Variants in RNGTT observed in about 807,000 individuals in gnomAD.
RNGTT encodes mRNA-capping enzyme.
In RNGTT, 33 loss-of-function variants were observed where a neutral mutation model predicts 79.3. The observed-to-expected ratio is 0.42, with a 90% CI of 0.32 to 0.56. The LOEUF is 0.56. Ranked by LOEUF, RNGTT falls within the 20% of genes least tolerant of loss-of-function variation. The pLI is 0.17. For missense variants in RNGTT, 497 were observed against 739.1 expected (o/e 0.67, Z 3.80); for synonymous variants, 222 against 235.9 (o/e 0.94, Z 0.54).
intron 4 of RNGTT, among the ~76,000 whole-genome samples, chr6:88,914,115 A>G (rs1783921201): frequency 2.0e-5 from 3 of 152,156 alleles, no homozygotes; most frequent in African/African-American, 7.2e-5. Context: ...ACTACAAAAC[A>G]CTGATGACAG....
chr6:88,705,961 T>G (rs1444094645), intron 13 of RNGTT, among the ~76,000 whole-genome samples: 2 of 131,312 alleles, frequency 1.5e-5, no homozygotes, highest in South Asian at 4.5e-4. Context: ...TGTGAATTAT[T>G]TGGGGCAGTA....
At chr6:88,776,950 C>T (rs927395346) in intron 12 of RNGTT, among the ~76,000 whole-genome samples, 1 of 152,130 alleles carries the variant, frequency 6.6e-6, no homozygotes, top group African/African-American at 2.4e-5. Context: ...GGAGCTTTTC[C>T]ACTATGTTTT....
intron 13 of RNGTT, among the ~76,000 whole-genome samples, chr6:88,698,375 G>A (rs1331596543): frequency 1.4e-5 from 2 of 146,822 alleles, no homozygotes; most frequent in African/African-American, 5.0e-5. Context: ...AAAATTGCTA[G>A]CTATCTTGAT....
intron 1 of RNGTT, among the ~76,000 whole-genome samples, chr6:88,955,018 A>G (rs909376138): frequency 5.3e-5 from 8 of 152,148 alleles, no homozygotes; most frequent in Non-Finnish European, 1.2e-4. Flanking sequence ...AGATCGTACC[A>G]TTGCATTCCA....
intron 8 of RNGTT, among the ~76,000 whole-genome samples, chr6:88,872,581 A>T (rs1782391622): frequency 6.6e-6 from 1 of 152,162 alleles, no homozygotes; most frequent in Non-Finnish European, 1.5e-5. Flanking sequence ...GATTTAAGAA[A>T]AACAAAAAAG....
intron 13 of RNGTT, among the ~76,000 whole-genome samples, chr6:88,712,631 G>A (rs1211234930): frequency 6.6e-6 from 1 of 152,128 alleles, no homozygotes; most frequent in Non-Finnish European, 1.5e-5. Flanking sequence ...TTTTATTATA[G>A]GCATTGCTAA....
chr6:88,817,961 G>A (rs1474420324), intron 11 of RNGTT, among the ~76,000 whole-genome samples: 2 of 151,326 alleles, frequency 1.3e-5, no homozygotes, highest in Admixed American at 6.6e-5. Context: ...GGGTTTCACC[G>A]TGTTAGCCAA....
chr6:88,940,076 T>C (rs952029610), intron 2 of RNGTT, among the ~76,000 whole-genome samples: 4 of 150,850 alleles, frequency 2.7e-5, no homozygotes, highest in African/African-American at 7.3e-5. Flanking sequence ...CTTTTTTTTT[T>C]TTCTTTTCTT....
rs535320272 is a variant in RNGTT, at chr6:88,787,023, TTGGA to T, written c.1338+14537_1338+14540del. ...CACCGAATCTGCCAACACCTTGATC[TTGGA>T]CTTCCCAGCTTCTAGAACTGTGAGA... On this transcript the variant is annotated intron_variant, in intron 12 of 15. Coordinates refer to ENST00000369485, the MANE Select transcript of RNGTT (RefSeq NM_003800.5). Among the ~76,000 whole-genome samples the T allele has an allele frequency of 1.8e-4, 27 of 152,328 alleles. No homozygotes were observed. In the South Asian group the frequency reaches 5.6e-3, roughly 32 times the overall value.
intron 11 of RNGTT, among the ~76,000 whole-genome samples, chr6:88,827,489 G>A (rs951087544): frequency 6.6e-6 from 1 of 152,168 alleles, no homozygotes; most frequent in Non-Finnish European, 1.5e-5. Context: ...CGAGCTAGCT[G>A]CAGGAGTTTT....
At chr6:88,689,061 G>C (rs939150250) in intron 13 of RNGTT, among the ~76,000 whole-genome samples, 4 of 152,040 alleles carry the variant, frequency 2.6e-5, no homozygotes, top group African/African-American at 7.2e-5. Context: ...AGTTAGGTTT[G>C]GGGGGGAGTC....
At chr6:88,850,808 C>T (rs1781646328) in intron 9 of RNGTT, among the ~76,000 whole-genome samples, 1 of 151,914 alleles carries the variant, frequency 6.6e-6, no homozygotes, top group Non-Finnish European at 1.5e-5. Flanking sequence ...ATAACAAAGG[C>T]ATGAAATTGT....
chr6:88,730,083 C>A (rs748800590), intron 13 of RNGTT, among the ~76,000 whole-genome samples: 8 of 152,034 alleles, frequency 5.3e-5, no homozygotes, highest in Non-Finnish European at 1.2e-4. Flanking sequence ...TCAAGCAGAA[C>A]AACTAAGCCA....
intron 13 of RNGTT, among the ~76,000 whole-genome samples, chr6:88,759,677 A>G (rs1236956601): frequency 6.6e-6 from 1 of 152,152 alleles, no homozygotes; most frequent in Non-Finnish European, 1.5e-5. Flanking sequence ...CCTGACTCCC[A>G]ACATCAGTAC....
chr6:88,645,407 T>G (rs1688594997), intron 14 of RNGTT, among the ~76,000 whole-genome samples: 1 of 152,098 alleles, frequency 6.6e-6, no homozygotes, highest in South Asian at 2.1e-4. Flanking sequence ...AGAATCAATA[T>G]CGTGAAAATG....
intron 14 of RNGTT, among the ~76,000 whole-genome samples, chr6:88,664,971 G>A (rs180791136): frequency 3.3e-5 from 5 of 152,256 alleles, no homozygotes; most frequent in East Asian, 3.9e-4. Context: ...TGTTTGCCCC[G>A]GACCTGCTCG....
At chr6:88,726,645 T>C (rs937826622) in intron 13 of RNGTT, among the ~76,000 whole-genome samples, 2 of 152,098 alleles carry the variant, frequency 1.3e-5, no homozygotes, top group African/African-American at 4.8e-5. Flanking sequence ...GGGTATTCAG[T>C]AAGTGATAAG....
chr6:88,754,409 G>C (rs1489637715), intron 13 of RNGTT, among the ~76,000 whole-genome samples: 1 of 152,174 alleles, frequency 6.6e-6, no homozygotes, highest in Non-Finnish European at 1.5e-5. Context: ...ACACTTTACA[G>C]AGTAGAGGAT....
rs981414101 is a variant in RNGTT at position 88,678,160 on chromosome 6, A to C, written c.1506+193T>G. 1.0e-5 allele frequency: 12 copies of C among 1,196,806 alleles called. No individual in the cohort carries two copies. In the African/African-American group the frequency reaches 1.7e-4, roughly 17 times the overall value. 74.1% of individuals were successfully genotyped at this position (1,196,806 alleles called of 1,614,324 possible). A position where few individuals can be genotyped will look rare whatever the true frequency, so the allele number is the denominator to read the frequency against. ...TGCCACTGAACTTGGCTAATGACAA[A>C]AAATTTTTCTTTTTGTAGAGACAGG... On this transcript the variant is annotated intron_variant, in intron 14 of 15. Coordinates refer to ENST00000369485, the MANE Select transcript of RNGTT (RefSeq NM_003800.5).
Sources: allele counts gnomAD v4.1 joint callset (sites outside exome capture counted in the v4.1 genomes callset), GRCh38; gene constraint gnomAD v4.1.1; transcripts MANE v1.5; gene names NCBI Gene and HGNC (gene_info 2026-07-23, HGNC 2026-07-21).